The following PITPNC1 variants were observed in gnomAD, a reference collection of about 807,000 sequenced individuals.
PITPNC1 encodes the protein phosphatidylinositol transfer protein cytoplasmic 1, also known as cytoplasmic phosphatidylinositol transfer protein 1.
Under a neutral mutation model 44.7 loss-of-function variants are expected in PITPNC1, and 18 were observed. The observed-to-expected ratio is 0.40, with a 90% CI of 0.28 to 0.60. The LOEUF (loss-of-function observed/expected upper bound fraction) is 0.60. Among genes scored for constraint, PITPNC1 ranks in the 20% least tolerant of loss-of-function variants. The probability of loss-of-function intolerance (pLI) is 0.39; values close to 1 mark genes in which losing one functional copy is unlikely to be tolerated. For synonymous variants in PITPNC1, 141 were observed against 149.6 expected, an observed-to-expected ratio of 0.94 and a Z score of 0.42; for missense variants, 290 against 418.4, an observed-to-expected ratio of 0.69 and a Z score of 2.68.
intron 1 of PITPNC1, among the ~76,000 whole-genome samples, chr17:67,443,068 A>G (rs2039037956): frequency 2.0e-5 from 3 of 152,046 alleles, no homozygotes; most frequent in Non-Finnish European, 4.4e-5. Context: ...TTGTTAATCC[A>G]GACTGCTGGG....
intron 6 of PITPNC1, among the ~76,000 whole-genome samples, chr17:67,662,714 A>G (rs2042366783): frequency 6.6e-6 from 1 of 152,166 alleles, no homozygotes; most frequent in Admixed American, 6.6e-5. Context: ...TCTTCTACTT[A>G]GTAGCATGTT....
chr17:67,585,868 G>A (rs77015389), intron 5 of PITPNC1, among the ~76,000 whole-genome samples: 3 of 152,158 alleles, frequency 2.0e-5, no homozygotes, highest in Non-Finnish European at 4.4e-5. Flanking sequence ...GCAGCCATCC[G>A]CAAGTCAAGG....
At chr17:67,661,736 C>T (rs987508306) in intron 6 of PITPNC1, among the ~76,000 whole-genome samples, 2 of 152,186 alleles carry the variant, frequency 1.3e-5, no homozygotes, top group Non-Finnish European at 2.9e-5. Context: ...CAGTGGCTCA[C>T]GCCTGTAATC....
chr17:67,649,750 A>G (rs1408466189), intron 6 of PITPNC1, among the ~76,000 whole-genome samples: 1 of 151,850 alleles, frequency 6.6e-6, no homozygotes, highest in Non-Finnish European at 1.5e-5. Context: ...TTTTTTTTTT[A>G]ATCTGGGGTC....
At chr17:67,525,443 T>C (rs1318768150) in intron 1 of PITPNC1, 1 of 152,250 alleles carries the variant, frequency 6.6e-6, no homozygotes, top group Non-Finnish European at 1.5e-5. Context: ...AAAGCAGGCA[T>C]CAGCCTGCAT....
intron 5 of PITPNC1, among the ~76,000 whole-genome samples, chr17:67,595,244 G>C (rs1598864618): frequency 1.3e-5 from 2 of 152,294 alleles, no homozygotes; most frequent in South Asian, 4.1e-4. Flanking sequence ...TTCAGGCCTG[G>C]AAGGTTGTTT....
At chr17:67,678,070 G>A (rs2042635972) in intron 8 of PITPNC1, among the ~76,000 whole-genome samples, 1 of 152,054 alleles carries the variant, frequency 6.6e-6, no homozygotes. Context: ...AATAAAATTA[G>A]CCAGGCACAG....
intron 1 of PITPNC1, among the ~76,000 whole-genome samples, chr17:67,529,589 A>C (rs1185740115): frequency 6.6e-6 from 1 of 152,164 alleles, no homozygotes; most frequent in African/African-American, 2.4e-5. Context: ...GAACCCCTGC[A>C]CCTGTTGCAT....
At chr17:67,689,147 A>G (rs1347975813) in intron 8 of PITPNC1, among the ~76,000 whole-genome samples, 1 of 152,260 alleles carries the variant, frequency 6.6e-6, no homozygotes, top group East Asian at 1.9e-4. Flanking sequence ...GGTTGCAGTG[A>G]GCAGAGATTG....
At chr17:67,467,497 AT>A (rs2039445674) in intron 1 of PITPNC1, among the ~76,000 whole-genome samples, 1 of 152,176 alleles carries the variant, frequency 6.6e-6, no homozygotes, top group East Asian at 1.9e-4. Context: ...GGATGTTGTC[AT>A]AGGCTTTTGA....
Position 67,500,705 on chromosome 17 carries a change from C to T in PITPNC1, c.49-32097C>T, listed in dbSNP as rs1297288423. The stretch of plus-strand genomic sequence containing the variant: ...TGAGAGAAGGTCTCACTCTGTCAGC[C>T]AGGCTGGAGTACAGTGGCACAATCA... On this transcript the variant is annotated intron_variant, in intron 1 of 8. Coordinates refer to ENST00000581322, the MANE Select transcript of PITPNC1 (RefSeq NM_012417.4). Among the ~76,000 whole-genome samples the T allele has an allele frequency of 2.0e-5, 3 of 151,062 alleles. No homozygotes were observed. In the East Asian group the frequency reaches 5.8e-4, roughly 29 times the overall value.
chr17:67,393,256 C>T (rs1019867883), intron 1 of PITPNC1, among the ~76,000 whole-genome samples: 6 of 152,076 alleles, frequency 3.9e-5, no homozygotes, highest in Non-Finnish European at 5.9e-5. Context: ...CCATCACCAC[C>T]GCCCATCTTC....
intron 5 of PITPNC1, among the ~76,000 whole-genome samples, chr17:67,601,564 A>G (rs931274503): frequency 1.3e-5 from 2 of 152,034 alleles, no homozygotes; most frequent in African/African-American, 4.8e-5. Context: ...CAGCCTGGAC[A>G]ACATAGTGAG....
At chr17:67,385,787 G>A (rs557092662) in intron 1 of PITPNC1, among the ~76,000 whole-genome samples, 82 of 152,100 alleles carry the variant, frequency 5.4e-4, no homozygotes, top group African/African-American at 1.9e-3. Flanking sequence ...AAAGGAGGGC[G>A]GGTAAATAGA....
At chr17:67,522,110 C>T (rs1198133761) in intron 1 of PITPNC1, among the ~76,000 whole-genome samples, 2 of 152,116 alleles carry the variant, frequency 1.3e-5, no homozygotes, top group Non-Finnish European at 2.9e-5. Flanking sequence ...TCAAGACCAG[C>T]CTGGCCAACA....
intron 1 of PITPNC1, among the ~76,000 whole-genome samples, chr17:67,510,416 C>CA (rs2040169291): frequency 6.6e-6 from 1 of 152,232 alleles, no homozygotes; most frequent in African/African-American, 2.4e-5. Flanking sequence ...CCAAGACCCC[C>CA]ATTCCTAACA....
chr17:67,444,255 G>A lies in PITPNC1; in HGVS notation c.48+66053G>A, dbSNP rs939840167. ...TTGTAATTGATTGCAAACTCACCAT[G>A]AACCTGGTGGAAAGAAGAGATCACA... On this transcript the variant is annotated intron_variant, in intron 1 of 8. Coordinates refer to ENST00000581322, the MANE Select transcript of PITPNC1 (RefSeq NM_012417.4). Among the ~76,000 whole-genome samples, 26 of 152,048 alleles carry A rather than the reference G, an allele frequency of 1.7e-4. 1 individual carries two copies. The highest frequency in any genetic ancestry group is 2.8e-4 in the Non-Finnish European group (19 of 67,982).
At chr17:67,436,294 G>A (rs1353175515) in intron 1 of PITPNC1, among the ~76,000 whole-genome samples, 2 of 152,092 alleles carry the variant, frequency 1.3e-5, no homozygotes, top group African/African-American at 4.8e-5. Flanking sequence ...CTGAGCCACC[G>A]TGTCTGGCTG....
chr17:67,440,247 T>C (rs2038993858), intron 1 of PITPNC1, among the ~76,000 whole-genome samples: 1 of 152,174 alleles, frequency 6.6e-6, no homozygotes, highest in Non-Finnish European at 1.5e-5. Flanking sequence ...ATCAAAATGC[T>C]AAAGACAGGC....
Sources: gnomAD v4.1 joint callset for allele counts (sites outside exome capture counted in the v4.1 genomes callset) on GRCh38, gnomAD v4.1.1 for gene constraint, MANE v1.5 for transcripts, NCBI Gene and HGNC (gene_info 2026-07-23, HGNC 2026-07-21) for gene names.